NEGR1: variants seen among roughly 807,000 people sequenced by gnomAD.
NEGR1 encodes the protein neuronal growth regulator 1, also known as IgLON family member 4.
A neutral mutation model predicts 40.9 loss-of-function variants in NEGR1; 10 were observed. That is an observed-to-expected ratio of 0.24 (90% confidence interval 0.15 to 0.42). NEGR1 has a LOEUF of 0.42. Ranked by LOEUF, NEGR1 falls within the 10% of genes least tolerant of loss-of-function variation. The pLI, the probability that NEGR1 is intolerant of heterozygous loss-of-function variation, is 1.00. For synonymous variants in NEGR1, 185 were observed against 166.8 expected (o/e 1.11, Z -0.84); for missense variants, 352 against 438.9 (o/e 0.80, Z 1.77).
intron 2 of NEGR1, among the ~76,000 whole-genome samples, chr1:71,850,361 T>A (rs1452080409): frequency 6.6e-6 from 1 of 151,850 alleles, no homozygotes; most frequent in African/African-American, 2.4e-5. Flanking sequence ...TTGCTATGTT[T>A]CCTAAGCTGG....
chr1:71,748,736 A>C (rs1655469337), intron 3 of NEGR1, among the ~76,000 whole-genome samples: 1 of 152,146 alleles, frequency 6.6e-6, no homozygotes, highest in South Asian at 2.1e-4. Flanking sequence ...TCACATGATG[A>C]CATAATTTAA....
chr1:72,216,382 T>TAC (rs1557582719), intron 1 of NEGR1, among the ~76,000 whole-genome samples: 8 of 92,130 alleles, frequency 8.7e-5, no homozygotes, highest in African/African-American at 4.5e-4. Flanking sequence ...TATATATATA[T>TAC]ACATATATAT....
chr1:71,587,762 G>A (rs1219913924), intron 6 of NEGR1, among the ~76,000 whole-genome samples: 1 of 151,806 alleles, frequency 6.6e-6, no homozygotes, highest in Non-Finnish European at 1.5e-5. Flanking sequence ...ATATTTTTAG[G>A]TACACCTGAG....
At chr1:71,804,923 C>A (rs1225733581) in intron 2 of NEGR1, among the ~76,000 whole-genome samples, 1 of 152,316 alleles carries the variant, frequency 6.6e-6, no homozygotes, top group South Asian at 2.1e-4. Context: ...CTTTCAAAAG[C>A]AAATGGGAGA....
chr1:71,617,328 G>A (rs558978962), intron 4 of NEGR1, among the ~76,000 whole-genome samples: 2 of 152,336 alleles, frequency 1.3e-5, no homozygotes, highest in South Asian at 2.1e-4. Context: ...ATTAAGGCAC[G>A]ATTGTTAGAG....
Position 72,259,858 on chromosome 1 carries a change from A to C in NEGR1, c.176+22461T>G, listed in dbSNP as rs556897067. On this transcript the variant is annotated intron_variant, in intron 1 of 6. Transcript: ENST00000357731. ...CAAAATCGCTATGCAGGTAGAGTTT[A>C]TCTTTTGTTAATGCTCACCTTTTCT... 1.2e-4 allele frequency among the ~76,000 whole-genome samples: 19 copies of C among 152,216 alleles called. No individual in the cohort carries two copies. The South Asian group carries it at 3.5e-3, about 28-fold the overall frequency.
chr1:72,069,681 C>T lies in NEGR1; in HGVS notation c.177-134370G>A, dbSNP rs79138935. ...TCCCACTGAAATAACACTCTATAGG[C>T]CAAGGAAATTGGTATCCAATTAAGA... On this transcript the variant is annotated intron_variant, in intron 1 of 6. Coordinates refer to ENST00000357731, the MANE Select transcript of NEGR1 (RefSeq NM_173808.3). 4.2e-3 allele frequency among the ~76,000 whole-genome samples: 644 copies of T among 152,056 alleles called. 4 individuals are homozygous for T. The highest frequency in any genetic ancestry group is 0.015 in the African/African-American group (616 of 41,510).
At chr1:71,741,200 C>T (rs1655201635) in intron 3 of NEGR1, among the ~76,000 whole-genome samples, 5 of 152,170 alleles carry the variant, frequency 3.3e-5, no homozygotes. Context: ...CCCTCTTGAG[C>T]TGGAGGTTTG....
chr1:71,651,934 A>C (rs530571314), intron 4 of NEGR1, among the ~76,000 whole-genome samples: 1 of 152,182 alleles, frequency 6.6e-6, no homozygotes, highest in Admixed American at 6.5e-5. Context: ...ATTCCCTGTA[A>C]ATTTCTTGAG....
At chr1:71,417,368 G>C (rs1646363274) in intron 6 of NEGR1, among the ~76,000 whole-genome samples, 1 of 152,046 alleles carries the variant, frequency 6.6e-6, no homozygotes, top group South Asian at 2.1e-4. Flanking sequence ...CTATAGAGCT[G>C]AAGAAAAAAG....
chr1:71,878,376 C>A (rs1231738031), intron 2 of NEGR1, among the ~76,000 whole-genome samples: 1 of 152,054 alleles, frequency 6.6e-6, no homozygotes, highest in Non-Finnish European at 1.5e-5. Flanking sequence ...AATGCTGGGC[C>A]CCACCCATAG....
At chr1:71,413,377 G>A (rs968024083) in intron 6 of NEGR1, among the ~76,000 whole-genome samples, 4 of 152,172 alleles carry the variant, frequency 2.6e-5, no homozygotes, top group Non-Finnish European at 5.9e-5. Flanking sequence ...AACTTGAGAT[G>A]CTTTGCATGG....
At chr1:71,572,911 C>G (rs1387081177) in intron 6 of NEGR1, among the ~76,000 whole-genome samples, 1 of 152,182 alleles carries the variant, frequency 6.6e-6, no homozygotes, top group Non-Finnish European at 1.5e-5. Flanking sequence ...CTAATATCAT[C>G]TTGAAAGCAA....
At chr1:72,213,086 A>G (rs1476980675) in intron 1 of NEGR1, among the ~76,000 whole-genome samples, 1 of 151,874 alleles carries the variant, frequency 6.6e-6, no homozygotes, top group Non-Finnish European at 1.5e-5. Context: ...AATAAGCATT[A>G]TTTTTCTGAT....
chr1:72,203,963 C>T (rs557726198), intron 1 of NEGR1, among the ~76,000 whole-genome samples: 1 of 152,158 alleles, frequency 6.6e-6, no homozygotes, highest in South Asian at 2.1e-4. Flanking sequence ...TGCTATTGTA[C>T]ACTTAATAGA....
At chr1:71,726,583 G>A (rs1254466386) in intron 3 of NEGR1, among the ~76,000 whole-genome samples, 1 of 152,036 alleles carries the variant, frequency 6.6e-6, no homozygotes, top group Admixed American at 6.6e-5. Flanking sequence ...CTCTCTACGT[G>A]ATTGTAAAGA....
intron 2 of NEGR1, among the ~76,000 whole-genome samples, chr1:71,903,728 T>G (rs2101865937): frequency 6.6e-6 from 1 of 151,880 alleles, no homozygotes; most frequent in Admixed American, 6.6e-5. Flanking sequence ...TATGTATATA[T>G]GTACACACAC....
At chr1:71,500,326 T>C (rs1397791584) in intron 6 of NEGR1, among the ~76,000 whole-genome samples, 1 of 151,976 alleles carries the variant, frequency 6.6e-6, no homozygotes, top group African/African-American at 2.4e-5. Flanking sequence ...ATCATCTAAA[T>C]GAAAAAATGA....
At chr1:71,545,566 C>T (rs1432282494) in intron 6 of NEGR1, among the ~76,000 whole-genome samples, 2 of 151,654 alleles carry the variant, frequency 1.3e-5, no homozygotes, top group Non-Finnish European at 3.0e-5. Context: ...CTCTTTCTGT[C>T]CCCTTCTTGA....
Sources: gnomAD v4.1 joint callset for allele counts (sites outside exome capture counted in the v4.1 genomes callset) on GRCh38, gnomAD v4.1.1 for gene constraint, MANE v1.5 for transcripts, NCBI Gene and HGNC (gene_info 2026-07-23, HGNC 2026-07-21) for gene names.